The following CSNK1G2 variants were observed in gnomAD, a reference collection of about 807,000 sequenced individuals.
CSNK1G2 encodes the protein casein kinase I isoform gamma-2.
In CSNK1G2, 11 loss-of-function variants were observed where a neutral mutation model predicts 48.0. The observed-to-expected ratio is 0.23, with a 90% confidence interval of 0.14 to 0.38. CSNK1G2 has a LOEUF of 0.38. Ranked by LOEUF, CSNK1G2 falls within the 10% of genes least tolerant of loss-of-function variation. CSNK1G2 has a pLI of 1.00. For synonymous variants in CSNK1G2, 337 were observed against 254.1 expected (o/e 1.33, Z -3.10); for missense variants, 446 against 595.5 (o/e 0.75, Z 2.61).
intron 1 of CSNK1G2, chr19:1,952,939 G>A (rs1258950983): frequency 4.5e-6 from 2 of 444,784 alleles, no homozygotes; most frequent in Non-Finnish European, 8.7e-6. Flanking sequence ...AACCGGGGCG[G>A]GATGTCGCCC....
At chr19:1,956,178 G>A (rs190622650) in intron 1 of CSNK1G2, among the ~76,000 whole-genome samples, 49 of 152,120 alleles carry the variant, frequency 3.2e-4, no homozygotes, top group Admixed American at 1.4e-3. Context: ...GCCGGGGGTC[G>A]CACAAGGAGG....
At chr19:1,943,592 C>A (rs1450159786) in intron 1 of CSNK1G2, among the ~76,000 whole-genome samples, 2 of 151,680 alleles carry the variant, frequency 1.3e-5, no homozygotes, top group South Asian at 2.1e-4. Context: ...TTGGGGTAGT[C>A]CTGTTGGTGT....
intron 1 of CSNK1G2, among the ~76,000 whole-genome samples, chr19:1,945,497 C>G (rs1369282576): frequency 1.3e-5 from 2 of 152,176 alleles, no homozygotes; most frequent in African/African-American, 2.4e-5. Flanking sequence ...CCGTGAGGCC[C>G]GAGACAGTTT....
intron 1 of CSNK1G2, among the ~76,000 whole-genome samples, chr19:1,961,342 C>T (rs2015193118): frequency 6.6e-6 from 1 of 152,220 alleles, no homozygotes; most frequent in South Asian, 2.1e-4. Context: ...GCTTGTTCCC[C>T]TACACAGAGG....
At chr19:1,942,065 G>T (rs112537065) in intron 1 of CSNK1G2, among the ~76,000 whole-genome samples, 26 of 152,210 alleles carry the variant, frequency 1.7e-4, no homozygotes, top group Non-Finnish European at 3.1e-4. Flanking sequence ...GGGGGTGGTG[G>T]GGGGGAGGAA....
intron 1 of CSNK1G2, among the ~76,000 whole-genome samples, chr19:1,946,071 C>T (rs148443903): frequency 1.4e-3 from 212 of 152,116 alleles, no homozygotes; most frequent in African/African-American, 4.5e-3. Context: ...CGTATGTTCC[C>T]GGGAGAGGTG....
rs2014999677 is a variant in CSNK1G2 at position 1,956,385 on chromosome 19, C to G, written c.-265-13123C>G. ...GAGCCAAGATCAGACGGCATGGTGC[C>G]TCATGCCTGTGGTCCCAGCTACCTG... On this transcript the variant is annotated intron_variant, in intron 1 of 11. Transcript: ENST00000255641. 5.9e-5 allele frequency among the ~76,000 whole-genome samples: 9 copies of G among 152,312 alleles called. 1 individual carries two copies. In the South Asian group the frequency reaches 1.9e-3, roughly 32 times the overall value.
In CSNK1G2 at chr19:1,957,606, G is replaced by C. The variant is rs2015042582; in HGVS notation, c.-265-11902G>C. ...CAGGTCCCCCATGTCCCCTCGCCCGGGGCGCGCTCCACAGGCTAGGCCACT... is the reference window on the plus strand; with the variant it reads ...CAGGTCCCCCATGTCCCCTCGCCCGCGGCGCGCTCCACAGGCTAGGCCACT... On this transcript the variant is annotated intron_variant, in intron 1 of 11. Coordinates refer to ENST00000255641, the MANE Select transcript of CSNK1G2 (RefSeq NM_001319.7). This position sits in a 1 kb window ranked among gnomAD's most constrained non-coding sequence, Gnocchi z 5.4. 6.6e-6 allele frequency among the ~76,000 whole-genome samples: 1 copy of C among 152,186 alleles called. No individual in the cohort carries two copies.
rs1677369821 is a variant in CSNK1G2, at chr19:1,941,279, G to T, written c.-405G>T. The T allele has an allele frequency of 1.2e-5, 1 of 84,538 alleles. No homozygotes were observed. Among genetic ancestry groups the T allele is most frequent in the South Asian group, 4.0e-4 (1 of 2,494 alleles). The allele number at this position is 84,538 out of a possible 1,614,324, so 5.2% of individuals were successfully genotyped here. On this transcript the variant is annotated 5_prime_UTR_variant, in exon 1 of 12. An upstream open reading frame in the 5' UTR gains an earlier in-frame stop. Coordinates refer to ENST00000255641, the MANE Select transcript of CSNK1G2 (RefSeq NM_001319.7). ...GCGGAGGCCGGCCCAGGCGGCGCGG[G>T]AGCCGGAGCGGGGGCCCAAGCGGCA...
chr19:1,949,687 G>A (rs990891366), intron 1 of CSNK1G2, among the ~76,000 whole-genome samples: 2 of 152,242 alleles, frequency 1.3e-5, no homozygotes, highest in African/African-American at 2.4e-5. Flanking sequence ...TTGAGGAGCC[G>A]CAGACGGCCA....
chr19:1,946,186 G>T (rs56307353), intron 1 of CSNK1G2, among the ~76,000 whole-genome samples: 60,384 of 151,674 alleles, frequency 0.4, 14,969 homozygotes, highest in Non-Finnish European at 0.55. Flanking sequence ...AGAGGAGGGG[G>T]CGCAGGTGAG....
At chr19:1,958,984 C>T (rs1487309456) in intron 1 of CSNK1G2, among the ~76,000 whole-genome samples, 1 of 140,548 alleles carries the variant, frequency 7.1e-6, no homozygotes, top group Non-Finnish European at 1.5e-5. Context: ...AGCGTCCCTT[C>T]CCCAAATTCC....
At chr19:1,950,179 C>G (rs1326503062) in intron 1 of CSNK1G2, among the ~76,000 whole-genome samples, 3 of 151,656 alleles carry the variant, frequency 2.0e-5, no homozygotes, top group African/African-American at 4.8e-5. Context: ...TCGCTCTGTC[C>G]CCCAGGCTGG....
chr19:1,965,477 C>T (rs1421168927), intron 1 of CSNK1G2, among the ~76,000 whole-genome samples: 1 of 151,966 alleles, frequency 6.6e-6, no homozygotes, highest in Non-Finnish European at 1.5e-5. Context: ...ACTCGGAAAT[C>T]AAGATGACTC....
chr19:1,979,663 TATGTGGGA>T lies in CSNK1G2; in HGVS notation c.1002+21_1002+28del. On this transcript the variant is annotated intron_variant, in intron 9 of 11. Transcript: ENST00000255641. ...CCCCTGGTAGGTGGGGGGGTGCCGG[TATGTGGGA>T]GCGGGGGACCGGGAAACTGCCCTGA... 1.2e-6 allele frequency: 2 copies of T among 1,601,230 alleles called. No homozygotes were observed. The highest frequency in any genetic ancestry group is 1.7e-6 in the Non-Finnish European group (2 of 1,179,558).
intron 1 of CSNK1G2, among the ~76,000 whole-genome samples, chr19:1,969,113 T>C (rs986826104): frequency 6.6e-6 from 1 of 152,184 alleles, no homozygotes; most frequent in African/African-American, 2.4e-5. Flanking sequence ...GGGACTGTTG[T>C]GTGGCCCCTC....
chr19:1,975,040 C>A, intron 2 of CSNK1G2: 1 of 984,054 alleles, frequency 1.0e-6, no homozygotes, highest in Non-Finnish European at 1.2e-6. Context: ...ACCCACCCAG[C>A]ACACACCCAG....
intron 1 of CSNK1G2, among the ~76,000 whole-genome samples, chr19:1,962,337 C>T (rs1457376868): frequency 6.7e-6 from 1 of 148,272 alleles, no homozygotes; most frequent in Non-Finnish European, 1.5e-5. Flanking sequence ...TCAACAACAA[C>T]AACAAAAAAA....
intron 1 of CSNK1G2, among the ~76,000 whole-genome samples, chr19:1,945,523 T>G (rs1156382788): frequency 6.6e-6 from 1 of 152,172 alleles, no homozygotes; most frequent in East Asian, 1.9e-4. Context: ...GACATCATGT[T>G]GAAAACAGCC....
Sources: allele counts gnomAD v4.1 joint callset (sites outside exome capture counted in the v4.1 genomes callset), GRCh38; gene constraint gnomAD v4.1.1; non-coding constraint Gnocchi (gnomAD v3.1); transcripts MANE v1.5; gene names NCBI Gene and HGNC (gene_info 2026-07-23, HGNC 2026-07-21).